Variants in PKHD1L1 observed in about 807,000 individuals in gnomAD.
PKHD1L1 encodes the protein fibrocystin-L.
In PKHD1L1, 434 loss-of-function variants were observed where a neutral mutation model predicts 462.9. That is an observed-to-expected ratio of 0.94 (90% CI 0.87 to 1.02). The LOEUF is 1.02. Ranked by LOEUF, PKHD1L1 falls within the 50% of genes least tolerant of loss-of-function variation. The pLI, the probability that PKHD1L1 is intolerant of heterozygous loss-of-function variation, is 0.00. For missense variants in PKHD1L1, 5,202 were observed against 5,096.1 expected, an observed-to-expected ratio of 1.02 and a Z score of -0.63; for synonymous variants, 1,781 against 1,750.0, an observed-to-expected ratio of 1.02 and a Z score of -0.44.
intron 24 of PKHD1L1, among the ~76,000 whole-genome samples, chr8:109,426,421 A>G (rs995266850): frequency 3.3e-5 from 5 of 151,988 alleles, no homozygotes; most frequent in African/African-American, 9.7e-5. Flanking sequence ...GTCCAAGGCC[A>G]CAGTATGAGG....
At position 109,442,071 on chromosome 8, in the gene PKHD1L1, A is replaced by G. The variant is rs1815824879; in HGVS notation, c.4269A>G (p.Ala1423=). ...ATGTGTCTGTGGGGGACACAGTGGC[A>G]TGGCATTGGCAAACACATCCGTTTC... The part of the protein sequence containing the change: ...VLNVSVGDTV[A]WHWQTHPFLR... Residue 1423 remains alanine (A), a synonymous_variant, in exon 35 of 78, where the codon GCA becomes GCG. Coordinates refer to ENST00000378402, the MANE Select transcript of PKHD1L1 (RefSeq NM_177531.6). The G allele has an allele frequency of 6.2e-7, 1 of 1,613,388 alleles. No homozygotes were observed. The highest frequency in any genetic ancestry group is 8.5e-7 in the Non-Finnish European group (1 of 1,179,588).
At chr8:109,379,480 C>G (rs1319072985) in intron 2 of PKHD1L1, among the ~76,000 whole-genome samples, 3 of 152,162 alleles carry the variant, frequency 2.0e-5, no homozygotes, top group Admixed American at 6.5e-5. Flanking sequence ...ATGGAACTGC[C>G]TGTTAAAGCT....
intron 63 of PKHD1L1, among the ~76,000 whole-genome samples, chr8:109,496,084 A>C (rs1311409105): frequency 6.6e-6 from 1 of 152,204 alleles, no homozygotes; most frequent in African/African-American, 2.4e-5. Context: ...AGGTTAAACA[A>C]CTTTCCCAAG....
At chr8:109,459,960 G>T in intron 47 of PKHD1L1, 124 bp downstream of exon 47, 1 of 795,988 alleles carries the variant, frequency 1.3e-6, no homozygotes, top group Non-Finnish European at 1.7e-6. Flanking sequence ...ATAATTTAAT[G>T]ATATTAATCT....
At chr8:109,472,251 C>T (rs1300202534) in intron 50 of PKHD1L1, among the ~76,000 whole-genome samples, 1 of 151,802 alleles carries the variant, frequency 6.6e-6, no homozygotes, top group African/African-American at 2.4e-5. Flanking sequence ...TTAAGTTAAA[C>T]ATAAAAAAAA....
At position 109,414,364 on chromosome 8, in the gene PKHD1L1, G is replaced by A. The variant is rs577136406; in HGVS notation, c.2360+819G>A. Among the ~76,000 whole-genome samples the A allele has an allele frequency of 3.3e-5, 5 of 152,196 alleles. No individual in the cohort carries two copies. The East Asian group carries it at 5.8e-4, about 18-fold the overall frequency. On this transcript the variant is annotated intron_variant, in intron 21 of 77. Coordinates refer to ENST00000378402, the MANE Select transcript of PKHD1L1 (RefSeq NM_177531.6). ...AGTTTTAACACATGTATACAGTCAC[G>A]TAACCATCACTCCGCTGAAGACATA...
At chr8:109,400,948 CA>C (rs1368812843) in intron 13 of PKHD1L1, among the ~76,000 whole-genome samples, 1 of 142,268 alleles carries the variant, frequency 7.0e-6, no homozygotes, top group Non-Finnish European at 1.6e-5. Flanking sequence ...GATTGCTTCC[CA>C]AACTGGTTGT....
chr8:109,474,462 A>C (rs576576721), intron 50 of PKHD1L1, among the ~76,000 whole-genome samples: 73 of 152,312 alleles, frequency 4.8e-4, no homozygotes, highest in African/African-American at 1.6e-3. Flanking sequence ...GTTCAGGTTC[A>C]AGGTTTGTAT....
At chr8:109,451,176 A>T in intron 41 of PKHD1L1, 27 bp downstream of exon 41, 1 of 1,569,652 alleles carries the variant, frequency 6.4e-7, no homozygotes, top group Non-Finnish European at 8.7e-7. Flanking sequence ...AACACGCATC[A>T]TTGTGCATTT....
chr8:109,364,565 C>T lies in PKHD1L1; in HGVS notation c.92C>T (p.Pro31Leu). The T allele has an allele frequency of 6.3e-7, 1 of 1,599,700 alleles. No individual in the cohort carries two copies. ...TTTTCAGATGGCTCTCAAATAATCC[C>T]CAAAGTCACAGAAATAATACCTAAA... ...DPSTDGSQII[P>L]KVTEIIPKYG... The change falls in exon 2 of 78, where the codon CCC (proline) becomes CTC (leucine). Residue 31 changes from proline to leucine, a missense_variant. Pro to Leu is a moderately conservative substitution (Grantham distance 98). Around this residue, in one of 3 missense-constraint regions of PKHD1L1, gnomAD observed 4,497 missense variants for 4,336.8 expected, o/e 1.04. Coordinates refer to ENST00000378402, the MANE Select transcript of PKHD1L1 (RefSeq NM_177531.6).
intron 59 of PKHD1L1, among the ~76,000 whole-genome samples, chr8:109,487,671 T>C (rs1416979543): frequency 6.6e-6 from 1 of 151,868 alleles, no homozygotes; most frequent in Admixed American, 6.6e-5. Context: ...TCCCCCTGTA[T>C]TTCCTATGCC....
intron 60 of PKHD1L1, among the ~76,000 whole-genome samples, chr8:109,490,410 A>C (rs1411956529): frequency 1.4e-5 from 2 of 145,980 alleles, no homozygotes; most frequent in Non-Finnish European, 3.1e-5. Context: ...AATGAAATGC[A>C]TGTCTGATCT....
At chr8:109,386,276 T>C (rs1812439459) in intron 6 of PKHD1L1, among the ~76,000 whole-genome samples, 1 of 152,198 alleles carries the variant, frequency 6.6e-6, no homozygotes, top group South Asian at 2.1e-4. Context: ...GCATAGATGG[T>C]GTTATTTCAG....
intron 2 of PKHD1L1, among the ~76,000 whole-genome samples, chr8:109,366,293 C>T (rs1258940297): frequency 6.6e-6 from 1 of 152,212 alleles, no homozygotes; most frequent in Non-Finnish European, 1.5e-5. Flanking sequence ...ATTGCAGATA[C>T]TTAACAATTC....
chr8:109,471,540 C>T (rs1483787178), intron 50 of PKHD1L1, among the ~76,000 whole-genome samples: 1 of 152,144 alleles, frequency 6.6e-6, no homozygotes, highest in East Asian at 1.9e-4. Context: ...ATACTGTACA[C>T]ATTTCTTAAA....
At chr8:109,517,467 A>G (rs186670773) in intron 72 of PKHD1L1, among the ~76,000 whole-genome samples, 1 of 152,156 alleles carries the variant, frequency 6.6e-6, no homozygotes, top group Non-Finnish European at 1.5e-5. Flanking sequence ...TCTGGGCTCA[A>G]TAAGTGTTAG....
chr8:109,462,792 G>A (rs557801721), intron 48 of PKHD1L1, among the ~76,000 whole-genome samples: 9 of 152,052 alleles, frequency 5.9e-5, no homozygotes, highest in Non-Finnish European at 8.8e-5. Flanking sequence ...CACATGCCTC[G>A]GTCTCCCAAA....
intron 7 of PKHD1L1, among the ~76,000 whole-genome samples, 155 bp from the exon 8 acceptor site, chr8:109,388,924 C>T (rs58574411): frequency 4.6e-5 from 7 of 152,204 alleles, no homozygotes; most frequent in African/African-American, 1.4e-4. Flanking sequence ...TCAACAAAGT[C>T]TGGGAAATAG....
chr8:109,528,979 G>GA (rs932245722), intron 77 of PKHD1L1, among the ~76,000 whole-genome samples: 2 of 151,640 alleles, frequency 1.3e-5, no homozygotes, highest in Admixed American at 6.6e-5. Flanking sequence ...ACACGTTAGT[G>GA]AAAAAAAATC....
Sources: gnomAD v4.1 joint callset for allele counts (sites outside exome capture counted in the v4.1 genomes callset) on GRCh38, gnomAD v4.1.1 for gene constraint, gnomAD v4.1.1 regional missense constraint, MANE v1.5 for transcripts, NCBI Gene and HGNC (gene_info 2026-07-23, HGNC 2026-07-21) for gene names.